The following CD8A variants were observed in gnomAD, a reference collection of about 807,000 sequenced individuals.
CD8A encodes CD8 subunit alpha.
Under a neutral mutation model 24.2 loss-of-function variants are expected in CD8A, and 25 were observed. The observed-to-expected ratio is 1.03, with a 90% CI of 0.75 to 1.44. CD8A has a LOEUF of 1.44. Ranked by LOEUF, CD8A falls within the 40% of genes most tolerant of loss-of-function variation. The pLI, the probability that CD8A is intolerant of heterozygous loss-of-function variation, is 0.00. For missense variants in CD8A, 360 were observed against 319.7 expected, an observed-to-expected ratio of 1.13 and a Z score of -0.96; for synonymous variants, 165 against 149.9, an observed-to-expected ratio of 1.10 and a Z score of -0.74.
intron 2 of CD8A, among the ~76,000 whole-genome samples, chr2:86,804,633 G>A (rs988902635): frequency 6.6e-6 from 1 of 151,874 alleles, no homozygotes. Context: ...TAGAGACAGA[G>A]TCTAGCTCTG....
chr2:86,794,761 T>C (rs117636398), upstream of CD8A, among the ~76,000 whole-genome samples: 9 of 152,212 alleles, frequency 5.9e-5, no homozygotes, highest in East Asian at 1.7e-3. Context: ...ATGTCGGGGA[T>C]CCCTAATGTT....
intron 4 of CD8A, among the ~76,000 whole-genome samples, chr2:86,789,099 G>A (rs1236263771): frequency 2.0e-5 from 3 of 152,232 alleles, no homozygotes; most frequent in Non-Finnish European, 4.4e-5. Flanking sequence ...CAGCGGCTCT[G>A]GGAACGCGGC....
intron 1 of CD8A, 39 bp from the exon 2 acceptor site, chr2:86,790,720 G>GGGGCC: frequency 1.3e-6 from 2 of 1,516,644 alleles, no homozygotes; most frequent in Non-Finnish European, 1.8e-6. Context: ...CCGCAGTCCC[G>GGGGCC]CGCCCCCCGC....
chr2:86,799,871 G>A (rs1335519171), intron 3 of CD8A, among the ~76,000 whole-genome samples: 2 of 152,068 alleles, frequency 1.3e-5, no homozygotes, highest in African/African-American at 4.8e-5. Flanking sequence ...CTAGAATTCA[G>A]AGGTGAGACA....
At chr2:86,808,280 T>G (rs1673993689) in exon 1 of CD8A, 1 of 149,800 alleles carries the variant, frequency 6.7e-6, no homozygotes, top group Non-Finnish European at 1.5e-5. Flanking sequence ...GGGGTGGGGG[T>G]ACAGGGAAGG....
intron 5 of CD8A, among the ~76,000 whole-genome samples, chr2:86,787,588 G>A (rs1673069773): frequency 1.3e-5 from 2 of 151,932 alleles, no homozygotes; most frequent in Non-Finnish European, 1.5e-5. Context: ...TAAAATGCAG[G>A]TAATCATGAC....
intron 2 of CD8A, among the ~76,000 whole-genome samples, chr2:86,804,957 C>G (rs1377172453): frequency 4.6e-5 from 7 of 152,022 alleles, no homozygotes; most frequent in African/African-American, 1.5e-4. Flanking sequence ...CACACGCCAC[C>G]ATGCCTGGCT....
chr2:86,786,912 T>C (rs1334073177), intron 5 of CD8A, among the ~76,000 whole-genome samples: 5 of 140,992 alleles, frequency 3.5e-5, no homozygotes, highest in African/African-American at 5.3e-5. Context: ...CCCAGCTACT[T>C]GGGAGGTTGA....
chr2:86,803,764 G>T (rs1437096157), intron 2 of CD8A, among the ~76,000 whole-genome samples: 2 of 152,214 alleles, frequency 1.3e-5, no homozygotes, highest in Non-Finnish European at 1.5e-5. Context: ...GGCCAGGCTG[G>T]TCTCAAACTC....
chr2:86,798,199 G>A (rs1404661050), intron 3 of CD8A, among the ~76,000 whole-genome samples: 2 of 150,260 alleles, frequency 1.3e-5, no homozygotes, highest in East Asian at 3.9e-4. Context: ...TTTTGAGATG[G>A]AGTTTCCCTC....
chr2:86,802,313 C>A (rs1045015947), intron 2 of CD8A, among the ~76,000 whole-genome samples: 1 of 152,196 alleles, frequency 6.6e-6, no homozygotes, highest in African/African-American at 2.4e-5. Context: ...GCTGGGATTA[C>A]AGGTGTGAGC....
upstream of CD8A, chr2:86,791,656 G>A (rs1261020790): frequency 4.4e-6 from 2 of 454,018 alleles, no homozygotes; most frequent in South Asian, 1.6e-5. Flanking sequence ...AGCCTCCCAT[G>A]GCCTGCATTG....
intron 3 of CD8A, among the ~76,000 whole-genome samples, chr2:86,800,467 A>G (rs1383112232): frequency 5.3e-5 from 8 of 152,058 alleles, no homozygotes; most frequent in Admixed American, 3.9e-4. Flanking sequence ...AAGAAAGAAA[A>G]AAAAAGATAA....
At chr2:86,791,451 C>T (rs1329622588), upstream of CD8A, 1 of 446,638 alleles carries the variant, frequency 2.2e-6, no homozygotes, top group Non-Finnish European at 4.5e-6. Flanking sequence ...CTTTGGGTGT[C>T]GGTGTCAGTG....
At position 86,788,539 on chromosome 2, in the gene CD8A, TTGC is replaced by T. The variant is rs1429642636; in HGVS notation, c.644_646del (p.Cys215_Lys216delinsTer). On this transcript the variant is annotated stop_gained and inframe_deletion, in exon 5 of 6. Coordinates refer to ENST00000283635, the MANE Select transcript of CD8A (RefSeq NM_001768.7). LOFTEE classifies it high-confidence loss of function. Reference sequence around the variant, plus strand: ...TTCAAAAGAGACTCACCGGGGACATTTGCAAACACGTCTTCGGTTCCCTGGATA... The same window carrying T: ...TTCAAAAGAGACTCACCGGGGACATTAAACACGTCTTCGGTTCCCTGGATA... 1.2e-6 allele frequency: 2 copies of T among 1,613,426 alleles called. No homozygotes were observed. The highest frequency in any genetic ancestry group is 1.7e-6 in the Non-Finnish European group (2 of 1,179,686).
upstream of CD8A, chr2:86,791,212 T>C (rs1461203156): frequency 9.2e-6 from 4 of 432,722 alleles, no homozygotes; most frequent in Middle Eastern, 7.0e-4. Context: ...AGGGCGAGAG[T>C]AGGCAGCAAA....
rs1439593542 is a variant in CD8A, at chr2:86,788,523, G to C, written c.656+7C>G. ...AGGTGAGCAGGCTGAGTTCAAAAGA[G>C]ACTCACCGGGGACATTTGCAAACAC... is the stretch of plus-strand genomic sequence containing the variant. On this transcript the variant is annotated splice_region_variant and intron_variant, in intron 5 of 5. Transcript: ENST00000283635. 6.2e-7 allele frequency: 1 copy of C among 1,612,450 alleles called. No homozygotes were observed. Among genetic ancestry groups the C allele is most frequent in the Non-Finnish European group, 8.5e-7 (1 of 1,178,848 alleles).
At chr2:86,792,340 C>T (rs1193410377), upstream of CD8A, among the ~76,000 whole-genome samples, 1 of 152,160 alleles carries the variant, frequency 6.6e-6, no homozygotes, top group Non-Finnish European at 1.5e-5. Context: ...TCTGCCCCAC[C>T]CATTAGTTCT....
In CD8A at chr2:86,790,444, T is replaced by A. The variant is rs777829827; in HGVS notation, c.287A>T (p.Asp96Val). The A allele has an allele frequency of 5.0e-6, 8 of 1,613,672 alleles. No individual in the cohort carries two copies. Among genetic ancestry groups the A allele is most frequent in the Non-Finnish European group, 6.8e-6 (8 of 1,179,924 alleles). Residue 96 changes from aspartate (D) to valine (V), a missense_variant, in exon 2 of 6, where the codon GAC (aspartate) becomes GTC (valine). Transcript: ENST00000283635. Reference protein sequence around the residue: ...TQRFSGKRLGDTFVLTLSDFR... With the variant: ...TQRFSGKRLGVTFVLTLSDFR... The stretch of plus-strand genomic sequence containing the variant: ...GTCGCTCAGGGTGAGGACGAAGGTG[T>A]CCCCCAACCTCTTGCCCGAGAACCG...
Sources: gnomAD v4.1 joint callset for allele counts (sites outside exome capture counted in the v4.1 genomes callset) on GRCh38, gnomAD v4.1.1 for gene constraint, MANE v1.5 for transcripts, NCBI Gene and HGNC (gene_info 2026-07-23, HGNC 2026-07-21) for gene names.